UNK: variants seen among roughly 807,000 people sequenced by gnomAD.
The protein encoded by UNK is RING finger protein unkempt homolog.
In UNK, 32 loss-of-function variants were observed where a neutral mutation model predicts 97.6. The observed-to-expected ratio is 0.33, with a 90% CI of 0.25 to 0.44. UNK has a LOEUF of 0.44. Ranked by LOEUF, UNK falls within the 20% of genes least tolerant of loss-of-function variation. The pLI is 1.00. For missense variants in UNK, 771 were observed against 1,098.4 expected, an observed-to-expected ratio of 0.70 and a Z score of 4.21; for synonymous variants, 441 against 461.2, an observed-to-expected ratio of 0.96 and a Z score of 0.56.
rs188049127 is a variant in UNK at position 75,800,601 on chromosome 17, G to A, written c.105-9159G>A. Among the ~76,000 whole-genome samples the A allele has an allele frequency of 3.5e-3, 530 of 151,506 alleles. 1 individual carries two copies. The highest frequency in any genetic ancestry group is 0.012 in the African/African-American group (504 of 41,412). On this transcript the variant is annotated intron_variant, in intron 1 of 15. Transcript: ENST00000589666. ...AAAATAAAAAAATTAGCTGGGCATG[G>A]TGGCGGGCGCCTGTAATCCCAGCTA...
intron 4 of UNK, 31 bp from the exon 5 acceptor site, chr17:75,813,047 C>A: frequency 6.4e-7 from 1 of 1,564,202 alleles, no homozygotes; most frequent in Non-Finnish European, 8.7e-7. Flanking sequence ...GCTCCTCTCA[C>A]CTGACCCCTG....
In UNK at chr17:75,817,285, G is replaced by A. The variant is rs754516978; in HGVS notation, c.1105-41G>A. ...GAGGATGGGCCACGCACCAGCCTGC[G>A]CTGTGCCCACGGGCCCACTCCCTCC... is the stretch of plus-strand genomic sequence containing the variant. On this transcript the variant is annotated intron_variant, in intron 8 of 15. Transcript: ENST00000589666. The surrounding 1 kb of genome is among the most constrained non-coding windows in gnomAD (Gnocchi z 5.8). 32 of 1,524,740 alleles carry A rather than the reference G, an allele frequency of 2.1e-5. No homozygotes were observed. Among genetic ancestry groups the A allele is most frequent in the Middle Eastern group, 4.9e-4 (2 of 4,086 alleles). 94.5% of individuals were successfully genotyped at this position (1,524,740 alleles called of 1,614,324 possible).
At chr17:75,792,509 A>G in intron 1 of UNK, 2 of 984,402 alleles carry the variant, frequency 2.0e-6, no homozygotes, top group South Asian at 4.7e-5. Flanking sequence ...TAGCCAATAT[A>G]TAAAAATTAC....
rs1222779730 is a variant in UNK, at chr17:75,815,326, C to T, written c.961+73C>T. 4 of 1,423,890 alleles carry T rather than the reference C, an allele frequency of 2.8e-6. No homozygotes were observed. The East Asian group carries it at 6.9e-5, about 25-fold the overall frequency. The allele number at this position is 1,423,890 out of a possible 1,614,324, so 88.2% of individuals were successfully genotyped here. On this transcript the variant is annotated intron_variant, in intron 7 of 15. Coordinates refer to ENST00000589666, the MANE Select transcript of UNK (RefSeq NM_001080419.3). ...CTCGCCTGGCTAGCTCAGGCTTAGG[C>T]CGGGGATGGCCCCTGGCAGTATGCC...
intron 1 of UNK, chr17:75,785,832 G>A (rs748553491): frequency 6.6e-6 from 1 of 152,190 alleles, no homozygotes; most frequent in African/African-American, 2.4e-5. Flanking sequence ...GCAAAATGTT[G>A]CTTTCCATTT....
At position 75,812,680 on chromosome 17, in the gene UNK, C is replaced by T. The variant is rs139675007; in HGVS notation, c.622+95C>T. 1.1e-3 allele frequency: 1,623 copies of T among 1,499,760 alleles called. 3 individuals are homozygous for T. Among genetic ancestry groups the T allele is most frequent in the Admixed American group, 1.9e-3 (90 of 47,650 alleles). The allele number at this position is 1,499,760 out of a possible 1,614,324, so 92.9% of individuals were successfully genotyped here. A position where few individuals can be genotyped will look rare whatever the true frequency, so the allele number is the denominator to read the frequency against. ...CACCACCACCTACTGCCTGCTCTAGCCGAGGCCCCGACCTGGCCCGCATCC... is the reference window on the plus strand; with the variant it reads ...CACCACCACCTACTGCCTGCTCTAGTCGAGGCCCCGACCTGGCCCGCATCC... On this transcript the variant is annotated intron_variant, in intron 4 of 15. Transcript: ENST00000589666.
rs2062110382 is a variant in UNK at position 75,825,405 on chromosome 17, GC to G, written c.*991del. 1.3e-5 allele frequency: 2 copies of G among 152,606 alleles called. No individual in the cohort carries two copies. The highest frequency in any genetic ancestry group is 2.1e-4 in the South Asian group (1 of 4,838). 9.5% of individuals were successfully genotyped at this position (152,606 alleles called of 1,614,324 possible). A position where few individuals can be genotyped will look rare whatever the true frequency, so the allele number is the denominator to read the frequency against. On this transcript the variant is annotated 3_prime_UTR_variant, in exon 16 of 16. Coordinates refer to ENST00000589666, the MANE Select transcript of UNK (RefSeq NM_001080419.3). The surrounding 1 kb of genome is among the most constrained non-coding windows in gnomAD (Gnocchi z 4.4). Reference sequence around the variant, plus strand: ...TGAGGACCAAGGGGGCCCAGGCCCTGCCCTCCTACCCGGAGGGGCTCCGTTT... The same window carrying G: ...TGAGGACCAAGGGGGCCCAGGCCCTGCCTCCTACCCGGAGGGGCTCCGTTT...
intron 1 of UNK, among the ~76,000 whole-genome samples, chr17:75,789,022 C>A (rs2061738883): frequency 6.6e-6 from 1 of 152,154 alleles, no homozygotes. Flanking sequence ...CATTCTTGTG[C>A]TGAAATTAAA....
chr17:75,818,911 C>A lies in UNK; in HGVS notation c.1546+95C>A. The A allele has an allele frequency of 1.5e-6, 2 of 1,356,110 alleles. No homozygotes were observed. The highest frequency in any genetic ancestry group is 1.9e-6 in the Non-Finnish European group (2 of 1,025,782). 84.0% of individuals were successfully genotyped at this position (1,356,110 alleles called of 1,614,324 possible). On this transcript the variant is annotated intron_variant, in intron 11 of 15. Transcript: ENST00000589666. This position sits in a 1 kb window ranked among gnomAD's most constrained non-coding sequence, Gnocchi z 5.1. ...CGAGTCTCAAATCAGCACACCAGAC[C>A]CCTTAGACATCTGTCTTCGGAAAAT...
In UNK at chr17:75,818,689, C is replaced by T; in HGVS notation, c.1419C>T (p.Ile473=). ...LPAGSPLTSS[I]SSSITSSLAA... is the part of the protein sequence containing the mutation. ...CAGGCAGCCCCCTGACCTCAAGCAT[C>T]TCTTCTAGTATCACCTCCAGCCTGG... Residue 473 remains isoleucine, a synonymous_variant, in exon 11 of 16, where the codon ATC becomes ATT. Transcript: ENST00000589666. This position sits in a 1 kb window ranked among gnomAD's most constrained non-coding sequence, Gnocchi z 5.1. 6.2e-7 allele frequency: 1 copy of T among 1,611,162 alleles called. No homozygotes were observed. The highest frequency in any genetic ancestry group is 8.5e-7 in the Non-Finnish European group (1 of 1,178,364).
chr17:75,793,290 G>A (rs1316347833), intron 1 of UNK, among the ~76,000 whole-genome samples: 1 of 152,112 alleles, frequency 6.6e-6, no homozygotes, highest in African/African-American at 2.4e-5. Flanking sequence ...GTGTTTTAAG[G>A]TTTACATGGG....
At chr17:75,789,712 A>G (rs1179069512) in intron 1 of UNK, among the ~76,000 whole-genome samples, 1 of 152,134 alleles carries the variant, frequency 6.6e-6, no homozygotes, top group Non-Finnish European at 1.5e-5. Flanking sequence ...TTTATAACAT[A>G]CTGTCTTGTA....
intron 1 of UNK, among the ~76,000 whole-genome samples, chr17:75,795,506 A>G (rs1364463981): frequency 6.6e-6 from 1 of 151,826 alleles, no homozygotes; most frequent in Non-Finnish European, 1.5e-5. Flanking sequence ...CACCTGGCTA[A>G]TTTTTGTATT....
chr17:75,799,194 C>G (rs1274022158), intron 1 of UNK, among the ~76,000 whole-genome samples: 2 of 152,080 alleles, frequency 1.3e-5, no homozygotes, highest in Non-Finnish European at 2.9e-5. Context: ...TGCCTGTAGT[C>G]CCAACTACTC....
chr17:75,818,592 C>G lies in UNK; in HGVS notation c.1372-50C>G. ...CCCCTCTCCAGCCTCTCGTCCTGGC[C>G]TCCGTATGCAGGCCTACCATTGCTT... On this transcript the variant is annotated intron_variant, in intron 10 of 15. Coordinates refer to ENST00000589666, the MANE Select transcript of UNK (RefSeq NM_001080419.3). This position sits in a 1 kb window ranked among gnomAD's most constrained non-coding sequence, Gnocchi z 5.1. The G allele has an allele frequency of 1.3e-6, 2 of 1,537,444 alleles. No homozygotes were observed. The highest frequency in any genetic ancestry group is 1.8e-6 in the Non-Finnish European group (2 of 1,138,312).
chr17:75,798,196 G>A (rs1415548049), intron 1 of UNK, among the ~76,000 whole-genome samples: 2 of 151,500 alleles, frequency 1.3e-5, no homozygotes, highest in Non-Finnish European at 2.9e-5. Flanking sequence ...TCAGCCTCCC[G>A]AGTAGCTGGG....
At chr17:75,813,929 G>A in intron 6 of UNK, 51 bp downstream of exon 6, 1 of 1,491,376 alleles carries the variant, frequency 6.7e-7, no homozygotes, top group Non-Finnish European at 9.0e-7. Flanking sequence ...AAGGAGAGAG[G>A]CAGGCAGGAT....
intron 1 of UNK, chr17:75,792,177 G>A (rs2061768822): frequency 1.1e-6 from 1 of 878,746 alleles, no homozygotes; most frequent in Non-Finnish European, 1.4e-6. Context: ...CAGGTCAAGA[G>A]TGATGACAGT....
intron 1 of UNK, among the ~76,000 whole-genome samples, chr17:75,804,670 C>T (rs2061893879): frequency 6.7e-6 from 1 of 150,230 alleles, no homozygotes; most frequent in African/African-American, 2.5e-5. Context: ...GAAACACTGT[C>T]TCTACTAAAA....
Sources: gnomAD v4.1 joint callset for allele counts (sites outside exome capture counted in the v4.1 genomes callset) on GRCh38, gnomAD v4.1.1 for gene constraint, Gnocchi (gnomAD v3.1) non-coding constraint, MANE v1.5 for transcripts, NCBI Gene and HGNC (gene_info 2026-07-23, HGNC 2026-07-21) for gene names.